ANO10: variants seen among roughly 807,000 people sequenced by gnomAD.
The protein encoded by ANO10 is anoctamin-10.
ANO10 carries 77 observed loss-of-function variants against 74.7 expected under a neutral mutation model. The observed-to-expected ratio is 1.03, with a 90% CI of 0.86 to 1.25. ANO10 has a LOEUF of 1.25. Among genes scored for constraint, ANO10 ranks in the 50% most tolerant of loss-of-function variants. The probability of loss-of-function intolerance (pLI) is 0.00; values close to 1 mark genes in which losing one functional copy is unlikely to be tolerated. For synonymous variants in ANO10, 279 were observed against 284.9 expected (o/e 0.98, Z 0.21); for missense variants, 721 against 778.1 (o/e 0.93, Z 0.87).
Position 43,508,286 on chromosome 3 carries a change from G to C in ANO10, c.1797+41434C>G, listed in dbSNP as rs564997626. 7.2e-4 allele frequency among the ~76,000 whole-genome samples: 110 copies of C among 152,154 alleles called. 1 individual carries two copies. Among genetic ancestry groups the C allele is most frequent in the African/African-American group, 2.6e-3 (106 of 41,510 alleles). On this transcript the variant is annotated intron_variant, in intron 11 of 12. Coordinates refer to ENST00000292246, the MANE Select transcript of ANO10 (RefSeq NM_018075.5). ...GTTGCAAACCACATATCCAACAAAGGAGTACTACCTAGGATACAGAAATAT... is the reference window on the plus strand; with the variant it reads ...GTTGCAAACCACATATCCAACAAAGCAGTACTACCTAGGATACAGAAATAT...
intron 11 of ANO10, among the ~76,000 whole-genome samples, chr3:43,512,807 T>A (rs570885896): frequency 6.6e-6 from 1 of 152,116 alleles, no homozygotes; most frequent in South Asian, 2.1e-4. Flanking sequence ...CAAGACAAAC[T>A]TTATAAAATA....
At chr3:43,449,270 C>A (rs2074737157) in intron 11 of ANO10, among the ~76,000 whole-genome samples, 1 of 151,934 alleles carries the variant, frequency 6.6e-6, no homozygotes, top group Non-Finnish European at 1.5e-5. Flanking sequence ...ATATTTTCTC[C>A]CAGTTTTTGG....
chr3:43,518,373 T>C (rs1303644034), intron 11 of ANO10, among the ~76,000 whole-genome samples: 3 of 152,132 alleles, frequency 2.0e-5, no homozygotes, highest in Non-Finnish European at 4.4e-5. Flanking sequence ...TCTTCGTAAA[T>C]TGAGGATGTA....
intron 1 of ANO10, among the ~76,000 whole-genome samples, chr3:43,681,097 A>G (rs1267156143): frequency 1.3e-5 from 2 of 152,170 alleles, no homozygotes; most frequent in Non-Finnish European, 2.9e-5. Context: ...TTAAATGTAA[A>G]TGGGCTAAAT....
chr3:43,414,007 G>A (rs1219651890), intron 12 of ANO10, among the ~76,000 whole-genome samples: 2 of 151,928 alleles, frequency 1.3e-5, no homozygotes, highest in African/African-American at 4.8e-5. Context: ...CAGACCACAA[G>A]GACCGAGACC....
At chr3:43,577,308 T>C (rs2081059563) in intron 5 of ANO10, 47 bp from the exon 6 acceptor site, 2 of 1,558,132 alleles carry the variant, frequency 1.3e-6, no homozygotes, top group African/African-American at 1.4e-5. Flanking sequence ...TACCAAACAC[T>C]TTAAAAAATC....
intron 10 of ANO10, among the ~76,000 whole-genome samples, chr3:43,553,655 C>G (rs903891078): frequency 6.6e-5 from 10 of 151,932 alleles, no homozygotes; most frequent in Non-Finnish European, 1.5e-4. Flanking sequence ...CCTGCCTCAG[C>G]CTCCCAAGTA....
At chr3:43,470,907 G>A (rs1290319177) in intron 11 of ANO10, among the ~76,000 whole-genome samples, 2 of 152,060 alleles carry the variant, frequency 1.3e-5, no homozygotes, top group Non-Finnish European at 2.9e-5. Context: ...GATTACAGGT[G>A]TGCACCACCG....
intron 1 of ANO10, among the ~76,000 whole-genome samples, chr3:43,665,985 AG>A (rs2083987240): frequency 6.6e-6 from 1 of 152,200 alleles, no homozygotes; most frequent in Admixed American, 6.5e-5. Flanking sequence ...ATAACTCCAA[AG>A]GAGCTACAGA....
At chr3:43,476,968 T>C (rs933034363) in intron 11 of ANO10, among the ~76,000 whole-genome samples, 2 of 152,242 alleles carry the variant, frequency 1.3e-5, no homozygotes, top group Admixed American at 6.5e-5. Context: ...AGTTTTTTTT[T>C]CTTTTACCAT....
intron 12 of ANO10, among the ~76,000 whole-genome samples, chr3:43,422,079 C>T (rs1243132111): frequency 2.0e-5 from 3 of 152,204 alleles, no homozygotes; most frequent in Non-Finnish European, 4.4e-5. Context: ...GAGATTGGAA[C>T]TCTAACTTTA....
At chr3:43,667,072 GTTTTTTTTTTTTTT>G (rs55764466) in intron 1 of ANO10, among the ~76,000 whole-genome samples, 11 of 56,124 alleles carry the variant, frequency 2.0e-4, no homozygotes, top group African/African-American at 7.0e-4. Flanking sequence ...TACAATGCAT[GTTTTTTTTTTTTTT>G]TTTTTTTTTT....
intron 4 of ANO10, 78 bp downstream of exon 4, chr3:43,598,454 C>G: frequency 7.0e-7 from 1 of 1,428,132 alleles, no homozygotes; most frequent in East Asian, 2.3e-5. Flanking sequence ...GTAAGTTCTT[C>G]TGTAAGAGGG....
chr3:43,532,963 C>G (rs1399963558), intron 11 of ANO10, among the ~76,000 whole-genome samples: 1 of 152,200 alleles, frequency 6.6e-6, no homozygotes, highest in African/African-American at 2.4e-5. Flanking sequence ...TCTCTATACT[C>G]TCTGTCTTTG....
chr3:43,467,438 A>G (rs1240136414), intron 11 of ANO10, among the ~76,000 whole-genome samples: 1 of 152,250 alleles, frequency 6.6e-6, no homozygotes, highest in African/African-American at 2.4e-5. Flanking sequence ...GCTACATGCA[A>G]TGACATGGAT....
intron 10 of ANO10, 104 bp from the exon 11 acceptor site, chr3:43,549,952 T>TAGCA: frequency 7.7e-7 from 1 of 1,298,010 alleles, no homozygotes; most frequent in Non-Finnish European, 1.1e-6. Flanking sequence ...CTTACCCTAG[T>TAGCA]TCTAAACATT....
At chr3:43,425,327 C>T (rs1364661484) in intron 12 of ANO10, among the ~76,000 whole-genome samples, 1 of 151,170 alleles carries the variant, frequency 6.6e-6, no homozygotes, top group Non-Finnish European at 1.5e-5. Context: ...CTGTGCCCAG[C>T]CTCTATTTAC....
chr3:43,424,868 G>C (rs868728174), intron 12 of ANO10: 23 of 152,176 alleles, frequency 1.5e-4, no homozygotes, highest in African/African-American at 4.6e-4. Flanking sequence ...GGTGGTGACA[G>C]GGCTGGAAGA....
At chr3:43,488,871 A>G (rs1475287411) in intron 11 of ANO10, among the ~76,000 whole-genome samples, 4 of 152,120 alleles carry the variant, frequency 2.6e-5, no homozygotes, top group Non-Finnish European at 5.9e-5. Flanking sequence ...ACATGCACAC[A>G]TATGTTTATT....
Sources: allele counts gnomAD v4.1 joint callset (sites outside exome capture counted in the v4.1 genomes callset), GRCh38; gene constraint gnomAD v4.1.1; transcripts MANE v1.5; gene names NCBI Gene and HGNC (gene_info 2026-07-23, HGNC 2026-07-21).